Variants in VPS4A observed in about 807,000 individuals in gnomAD.
VPS4A encodes vacuolar protein sorting-associated protein 4A.
Under a neutral mutation model 52.3 loss-of-function variants are expected in VPS4A, and 20 were observed. The observed-to-expected ratio is 0.38, with a 90% CI of 0.27 to 0.56. The LOEUF is 0.56. Ranked by LOEUF, VPS4A falls within the 20% of genes least tolerant of loss-of-function variation. The probability of loss-of-function intolerance (pLI) is 0.72; values close to 1 mark genes in which losing one functional copy is unlikely to be tolerated. For missense variants in VPS4A, 419 were observed against 575.9 expected (o/e 0.73, Z 2.79); for synonymous variants, 293 against 227.7 (o/e 1.29, Z -2.58).
chr16:69,322,968 TGAGGCAGAAGGATCGCTTGAAGCCGG>T (rs1965533129), intron 10 of VPS4A: 1 of 229,702 alleles, frequency 4.4e-6, no homozygotes, highest in Non-Finnish European at 8.5e-6. Flanking sequence ...CTCAGGAGGC[TGAGGCAGAAGGATCGCTTGAAGCCGG>T]GAGGCAGAGG....
chr16:69,319,584 C>T, intron 6 of VPS4A, 41 bp downstream of exon 6: 1 of 1,586,830 alleles, frequency 6.3e-7, no homozygotes, highest in Non-Finnish European at 8.6e-7. Context: ...GCAGCCCCGG[C>T]ACTGCTAGTG....
intron 3 of VPS4A, among the ~76,000 whole-genome samples, chr16:69,318,317 G>A (rs1455515667): frequency 6.6e-6 from 1 of 152,200 alleles, no homozygotes; most frequent in Non-Finnish European, 1.5e-5. Flanking sequence ...AGTATGAGGT[G>A]TGAGTCACCG....
Position 69,320,310 on chromosome 16 carries a change from C to T in VPS4A, c.769+21C>T. On this transcript the variant is annotated intron_variant, in intron 7 of 10. Coordinates refer to ENST00000254950, the MANE Select transcript of VPS4A (RefSeq NM_013245.3). This position sits in a 1 kb window ranked among gnomAD's most constrained non-coding sequence, Gnocchi z 4.2. ...GCAGGGTGTGTGCCGGGCCCAGGGC[C>T]CCCTTGGTTCTTGTTGCACCTGAAG... 4.4e-6 allele frequency: 7 copies of T among 1,605,950 alleles called. No homozygotes were observed. The highest frequency in any genetic ancestry group is 2.2e-5 in the East Asian group (1 of 44,600).
Position 69,325,807 on chromosome 16 carries a change from T to A in VPS4A, c.*1498T>A, listed in dbSNP as rs188951811. ...TTCTAGAAGATTAAATTAGGTAATG[T>A]TGGGCCTGCGTCCTCATGGGGCAGC... On this transcript the variant is annotated 3_prime_UTR_variant, in exon 11 of 11. Coordinates refer to ENST00000254950, the MANE Select transcript of VPS4A (RefSeq NM_013245.3). 6.6e-6 allele frequency: 1 copy of A among 151,664 alleles called. No individual in the cohort carries two copies. Among genetic ancestry groups the A allele is most frequent in the African/African-American group, 2.4e-5 (1 of 41,212 alleles). 9.4% of individuals were successfully genotyped at this position (151,664 alleles called of 1,614,324 possible).
At chr16:69,319,070 T>C in intron 5 of VPS4A, 128 bp downstream of exon 5, 1 of 1,353,618 alleles carries the variant, frequency 7.4e-7, no homozygotes, top group South Asian at 1.4e-5. Flanking sequence ...GCCTGGCTGC[T>C]CGCTGGTGTC....
chr16:69,311,570 G>A, intron 1 of VPS4A, 38 bp downstream of exon 1: 1 of 1,279,702 alleles, frequency 7.8e-7, no homozygotes, highest in Non-Finnish European at 1.0e-6. Context: ...GGAGGCCGAA[G>A]GCAGCGGGGC....
At chr16:69,316,454 C>T (rs1376903578) in intron 3 of VPS4A, 82 bp downstream of exon 3, 4 of 1,559,256 alleles carry the variant, frequency 2.6e-6, no homozygotes, top group Non-Finnish European at 3.5e-6. Context: ...CTGCCTTGGA[C>T]TTCCCTGTGG....
At chr16:69,322,321 T>C in intron 9 of VPS4A, 1 of 404,782 alleles carries the variant, frequency 2.5e-6, no homozygotes, top group Non-Finnish European at 4.4e-6. Context: ...ACTGTATTCC[T>C]GGTGAGACGT....
rs565856135 is a variant in VPS4A, at chr16:69,318,326, C to G, written c.282-324C>G. On this transcript the variant is annotated intron_variant, in intron 3 of 10. Transcript: ENST00000254950. ...TCCCAGAGTATGAGGTGTGAGTCAC[C>G]GCACCTGGCCTGGGCTGCTCTTTAA... 1.6e-4 allele frequency among the ~76,000 whole-genome samples: 24 copies of G among 152,264 alleles called. No individual in the cohort carries two copies. The South Asian group carries it at 5.0e-3, about 32-fold the overall frequency.
rs545153225 is a variant in VPS4A, at chr16:69,319,604, C to T, written c.620+61C>T. ...CCCGGCACTGCTAGTGACCCAGCGG[C>T]CCACCCTGTGGAGTCACCTCTCAGA... On this transcript the variant is annotated intron_variant, in intron 6 of 10. Transcript: ENST00000254950. 36 of 1,559,400 alleles carry T rather than the reference C, an allele frequency of 2.3e-5. No homozygotes were observed. The South Asian group carries it at 2.9e-4, about 13-fold the overall frequency.
Position 69,320,882 on chromosome 16 carries a change from C to A in VPS4A, c.851+113C>A. On this transcript the variant is annotated intron_variant, in intron 8 of 10. Transcript: ENST00000254950. This position sits in a 1 kb window ranked among gnomAD's most constrained non-coding sequence, Gnocchi z 4.2. ...TGGCCCCTTTTCCCTGGAGTCTTCCCGTCTGCCTGCCAAGCAGAGCCCTTT... is the reference window on the plus strand; with the variant it reads ...TGGCCCCTTTTCCCTGGAGTCTTCCAGTCTGCCTGCCAAGCAGAGCCCTTT... The A allele has an allele frequency of 7.9e-7, 1 of 1,265,978 alleles. No individual in the cohort carries two copies. The highest frequency in any genetic ancestry group is 1.1e-6 in the Non-Finnish European group (1 of 902,350). 78.4% of individuals were successfully genotyped at this position (1,265,978 alleles called of 1,614,324 possible).
Position 69,320,658 on chromosome 16 carries a change from G to T in VPS4A, c.770-30G>T. The T allele has an allele frequency of 6.4e-7, 1 of 1,571,460 alleles. No homozygotes were observed. Among genetic ancestry groups the T allele is most frequent in the Non-Finnish European group, 8.6e-7 (1 of 1,156,656 alleles). On this transcript the variant is annotated intron_variant, in intron 7 of 10. Transcript: ENST00000254950. This position sits in a 1 kb window ranked among gnomAD's most constrained non-coding sequence, Gnocchi z 4.2. ...CAACTGACCCGTGCAGGTGTCCAGA[G>T]TCTGAGTCTTTGTCTCCCTTTCTCC...
intron 10 of VPS4A, chr16:69,323,535 G>A: frequency 2.4e-6 from 1 of 419,176 alleles, no homozygotes; most frequent in Non-Finnish European, 4.8e-6. Flanking sequence ...GCGGTGCAGT[G>A]AGGCAGTGAA....
intron 10 of VPS4A, among the ~76,000 whole-genome samples, 163 bp from the exon 11 acceptor site, chr16:69,324,045 C>T (rs1021313777): frequency 3.3e-5 from 5 of 151,994 alleles, no homozygotes; most frequent in Admixed American, 2.6e-4. Flanking sequence ...TGAGCTGCCT[C>T]GAGAGGGAAG....
chr16:69,324,252 T>C lies in VPS4A; in HGVS notation c.1257T>C (p.Asn419=). ...TGGCCACCACCCGGCCCACGGTGAA[T>C]GCAGACGACCTCCTGAAAGTGAAGA... ...RSLATTRPTV[N]ADDLLKVKKF... is the part of the protein sequence containing the mutation. The change falls in exon 11 of 11, where the codon AAT becomes AAC. Residue 419 remains asparagine, a synonymous_variant. Transcript: ENST00000254950. 1.2e-6 allele frequency: 2 copies of C among 1,613,934 alleles called. No homozygotes were observed. Among genetic ancestry groups the C allele is most frequent in the South Asian group, 2.2e-5 (2 of 91,030 alleles).
At position 69,320,404 on chromosome 16, in the gene VPS4A, A is replaced by G; in HGVS notation, c.769+115A>G. On this transcript the variant is annotated intron_variant, in intron 7 of 10. Coordinates refer to ENST00000254950, the MANE Select transcript of VPS4A (RefSeq NM_013245.3). The surrounding 1 kb of genome is among the most constrained non-coding windows in gnomAD (Gnocchi z 4.2). ...TCTCAGCCTCGGAGAGGCACTCCCC[A>G]GCTCCAGCCCCTCAGGGCACGGGTG... The G allele has an allele frequency of 2.7e-6, 4 of 1,457,778 alleles. No individual in the cohort carries two copies. Among genetic ancestry groups the G allele is most frequent in the East Asian group, 2.3e-5 (1 of 42,824 alleles). The allele number at this position is 1,457,778 out of a possible 1,614,324, so 90.3% of individuals were successfully genotyped here. A position where few individuals can be genotyped will look rare whatever the true frequency, so the allele number is the denominator to read the frequency against.
chr16:69,323,943 CCAAAAAAAAAAA>C (rs1051603620), intron 10 of VPS4A, among the ~76,000 whole-genome samples: 12 of 108,682 alleles, frequency 1.1e-4, no homozygotes, highest in African/African-American at 4.7e-4. Flanking sequence ...GACTCCGTCT[CCAAAAAAAAAAA>C]AAAAAAAAAA....
At chr16:69,313,193 G>A (rs1226286419) in intron 1 of VPS4A, among the ~76,000 whole-genome samples, 2 of 151,928 alleles carry the variant, frequency 1.3e-5, no homozygotes, top group African/African-American at 2.4e-5. Context: ...ATGTTGGCCA[G>A]GCTGGTTTCG....
Position 69,326,626 on chromosome 16 carries a change from C to T in VPS4A, c.*2317C>T, listed in dbSNP as rs963513403. The T allele has an allele frequency of 1.3e-5, 2 of 152,252 alleles. No homozygotes were observed. Among genetic ancestry groups the T allele is most frequent in the Admixed American group, 1.3e-4 (2 of 15,286 alleles). The allele number at this position is 152,252 out of a possible 1,614,324, so 9.4% of individuals were successfully genotyped here. A position where few individuals can be genotyped will look rare whatever the true frequency, so the allele number is the denominator to read the frequency against. ...AGTTGTCTCTCTCCATGACCAGCAA[C>T]AGGAACCACTGACGCTGAACTTTGG... is the stretch of plus-strand genomic sequence containing the variant. On this transcript the variant is annotated 3_prime_UTR_variant, in exon 11 of 11. Transcript: ENST00000254950.
Sources: allele counts gnomAD v4.1 joint callset (sites outside exome capture counted in the v4.1 genomes callset), GRCh38; gene constraint gnomAD v4.1.1; non-coding constraint Gnocchi (gnomAD v3.1); transcripts MANE v1.5; gene names NCBI Gene and HGNC (gene_info 2026-07-23, HGNC 2026-07-21).